PDE1A: variants seen among roughly 807,000 people sequenced by gnomAD.
PDE1A encodes phosphodiesterase 1A, also known as dual specificity calcium/calmodulin-dependent 3',5'-cyclic nucleotide phosphodiesterase 1A.
A neutral mutation model predicts 61.7 loss-of-function variants in PDE1A; 35 were observed. That is an observed-to-expected ratio of 0.57 (90% CI 0.43 to 0.75). The LOEUF (loss-of-function observed/expected upper bound fraction) is 0.75, where lower values mean the gene tolerates loss of function less well. Among genes scored for constraint, PDE1A ranks in the 30% least tolerant of loss-of-function variants. The pLI, the probability that PDE1A is intolerant of heterozygous loss-of-function variation, is 0.00. For missense variants in PDE1A, 597 were observed against 630.6 expected (o/e 0.95, Z 0.57); for synonymous variants, 232 against 213.2 (o/e 1.09, Z -0.77).
intron 2 of PDE1A, among the ~76,000 whole-genome samples, chr2:182,453,204 A>G (rs1032529074): frequency 6.6e-6 from 1 of 151,942 alleles, no homozygotes; most frequent in Non-Finnish European, 1.5e-5. Flanking sequence ...TGGTAGCAAG[A>G]CTCCTCATTA....
chr2:182,430,018 G>A (rs1475776041), upstream of PDE1A, among the ~76,000 whole-genome samples: 1 of 152,128 alleles, frequency 6.6e-6, no homozygotes, highest in Non-Finnish European at 1.5e-5. Flanking sequence ...ATTTTAATGA[G>A]CTTCAAGTTA....
chr2:182,391,844 G>A (rs575786632), intron 1 of PDE1A, among the ~76,000 whole-genome samples: 1 of 152,282 alleles, frequency 6.6e-6, no homozygotes, highest in Admixed American at 6.5e-5. Flanking sequence ...ATTGATCGGA[G>A]GCCTGCTGTA....
intron 13 of PDE1A, among the ~76,000 whole-genome samples, chr2:182,148,543 T>C (rs971125637): frequency 2.6e-5 from 4 of 152,238 alleles, no homozygotes; most frequent in Admixed American, 6.5e-5. Flanking sequence ...CTCTGGCTTC[T>C]TTACAATGTC....
At chr2:182,578,406 C>T in the PDE1A span, among the ~76,000 whole-genome samples, 18 of 152,196 alleles carry the variant, frequency 1.2e-4, no homozygotes, top group East Asian at 3.5e-3. Flanking sequence ...AAGCTTCTAA[C>T]ATTAAAAAGG....
intron 1 of PDE1A, among the ~76,000 whole-genome samples, chr2:182,423,232 T>G (rs1703392730): frequency 6.6e-6 from 1 of 152,168 alleles, no homozygotes; most frequent in African/African-American, 2.4e-5. Context: ...AGGAAATTTT[T>G]TAAAAAATAG....
At chr2:182,457,173 A>G (rs1241185195) in intron 2 of PDE1A, among the ~76,000 whole-genome samples, 1 of 152,012 alleles carries the variant, frequency 6.6e-6, no homozygotes, top group Non-Finnish European at 1.5e-5. Context: ...AGTAGAGGAG[A>G]AACTTACTGA....
chr2:182,655,110 G>A, the PDE1A span, among the ~76,000 whole-genome samples: 5 of 152,122 alleles, frequency 3.3e-5, no homozygotes, highest in African/African-American at 1.2e-4. Flanking sequence ...AGAGCTTCTC[G>A]AAGATGCCAA....
At chr2:182,374,721 T>C (rs1333748881) in intron 1 of PDE1A, among the ~76,000 whole-genome samples, 1 of 152,168 alleles carries the variant, frequency 6.6e-6, no homozygotes, top group Non-Finnish European at 1.5e-5. Flanking sequence ...TAAAAAGATG[T>C]TCAATATCAC....
rs184686249 is a variant in PDE1A, at chr2:182,369,967, G to A, written c.53+56611C>T. Among the ~76,000 whole-genome samples the A allele has an allele frequency of 2.7e-3, 418 of 152,168 alleles. 1 individual carries two copies. Among genetic ancestry groups the A allele is most frequent in the Non-Finnish European group, 3.4e-3 (229 of 68,014 alleles). ...AGGCAGGTGGATCACCTGAGGTCAG[G>A]AGATCAAGACCATCCTGGCCAACAT... On this transcript the variant is annotated intron_variant, in intron 1 of 13. Transcript: ENST00000351439.
chr2:182,464,519 T>C (rs909587090), intron 2 of PDE1A, among the ~76,000 whole-genome samples: 1 of 152,144 alleles, frequency 6.6e-6, no homozygotes, highest in African/African-American at 2.4e-5. Context: ...TGCATCAACC[T>C]CTTATTTCTA....
At chr2:182,273,275 T>C (rs1693164789) in intron 1 of PDE1A, among the ~76,000 whole-genome samples, 2 of 152,170 alleles carry the variant, frequency 1.3e-5, no homozygotes, top group South Asian at 2.1e-4. Flanking sequence ...GATCCTTTAC[T>C]TGGTAGTTTT....
At chr2:182,155,131 G>A (rs1272567581) in intron 13 of PDE1A, among the ~76,000 whole-genome samples, 2 of 141,956 alleles carry the variant, frequency 1.4e-5, no homozygotes, top group Middle Eastern at 3.7e-3. Context: ...TGGTTACCCA[G>A]GCTGGAGTGC....
At chr2:182,352,288 T>C (rs570052707) in intron 1 of PDE1A, among the ~76,000 whole-genome samples, 3 of 152,330 alleles carry the variant, frequency 2.0e-5, no homozygotes, top group East Asian at 3.9e-4. Flanking sequence ...CCTGAGTCTA[T>C]GTCACATTGC....
chr2:182,143,112 A>AG (rs1309245989), downstream of PDE1A: 1 of 152,200 alleles, frequency 6.6e-6, no homozygotes, highest in Non-Finnish European at 1.5e-5. Flanking sequence ...TGCTAGTCAA[A>AG]GAGTACAAAA....
chr2:182,446,234 A>T (rs1315407548), intron 2 of PDE1A, among the ~76,000 whole-genome samples: 2 of 152,114 alleles, frequency 1.3e-5, no homozygotes, highest in African/African-American at 2.4e-5. Flanking sequence ...AAAAGCATGC[A>T]TAATTACCAC....
intron 2 of PDE1A, among the ~76,000 whole-genome samples, chr2:182,255,913 C>A (rs989190090): frequency 6.6e-6 from 1 of 151,738 alleles, no homozygotes; most frequent in Non-Finnish European, 1.5e-5. Flanking sequence ...ACCTAATGAT[C>A]CACCCGCCTC....
chr2:182,514,480 C>A (rs1002753571), intron 2 of PDE1A, among the ~76,000 whole-genome samples: 2 of 152,110 alleles, frequency 1.3e-5, no homozygotes, highest in Non-Finnish European at 2.9e-5. Flanking sequence ...AAAACGGACA[C>A]ATAGACCCAT....
At chr2:182,235,138 T>A (rs980778104) in intron 3 of PDE1A, among the ~76,000 whole-genome samples, 18 of 152,196 alleles carry the variant, frequency 1.2e-4, no homozygotes, top group Non-Finnish European at 2.9e-5. Flanking sequence ...TTTTTGTTTT[T>A]GTTTTGTGTT....
At chr2:182,196,982 C>T (rs1293815136) in intron 10 of PDE1A, among the ~76,000 whole-genome samples, 1 of 151,744 alleles carries the variant, frequency 6.6e-6, no homozygotes, top group African/African-American at 2.4e-5. Flanking sequence ...ATATTAACTT[C>T]AGTAGATGAT....
Sources: allele counts gnomAD v4.1 joint callset (sites outside exome capture counted in the v4.1 genomes callset), GRCh38; gene constraint gnomAD v4.1.1; transcripts MANE v1.5; gene names NCBI Gene and HGNC (gene_info 2026-07-23, HGNC 2026-07-21).